Variants in ST6GALNAC3 observed in about 807,000 individuals in gnomAD.
The protein encoded by ST6GALNAC3 is alpha-N-acetylgalactosaminide alpha-2,6-sialyltransferase 3.
Under a neutral mutation model 32.7 loss-of-function variants are expected in ST6GALNAC3, and 25 were observed. The ratio of observed to expected loss-of-function variants is 0.76; its 90% CI spans 0.56 to 1.07. The LOEUF is 1.07. Ranked by LOEUF, ST6GALNAC3 falls within the 50% of genes least tolerant of loss-of-function variation. ST6GALNAC3 has a pLI of 0.00. For synonymous variants in ST6GALNAC3, 129 were observed against 133.1 expected (o/e 0.97, Z 0.21); for missense variants, 355 against 382.4 (o/e 0.93, Z 0.60).
intron 1 of ST6GALNAC3, among the ~76,000 whole-genome samples, chr1:76,287,694 G>A (rs1293756230): frequency 6.6e-6 from 1 of 152,128 alleles, no homozygotes; most frequent in Non-Finnish European, 1.5e-5. Context: ...TGAGAAATGT[G>A]CACACTGATA....
chr1:76,416,639 T>G (rs1424963141), intron 3 of ST6GALNAC3, among the ~76,000 whole-genome samples: 1 of 147,332 alleles, frequency 6.8e-6, no homozygotes, highest in Non-Finnish European at 1.5e-5. Flanking sequence ...TTTTTTTTTT[T>G]TTTTTTGAGA....
At chr1:76,636,270 G>T (rs966422112), downstream of ST6GALNAC3, among the ~76,000 whole-genome samples, 1 of 152,146 alleles carries the variant, frequency 6.6e-6, no homozygotes, top group Non-Finnish European at 1.5e-5. Flanking sequence ...GAAGTAACGT[G>T]ACTTTTAATG....
At position 76,494,468 on chromosome 1, in the gene ST6GALNAC3, T is replaced by TAC. The variant is rs1472281207; in HGVS notation, c.623+82068_623+82069dup. Among the ~76,000 whole-genome samples the TAC allele has an allele frequency of 1.4e-3, 84 of 59,518 alleles. 2 individuals are homozygous for TAC. Among genetic ancestry groups the TAC allele is most frequent in the Middle Eastern group, 0.011 (1 of 94 alleles). The allele number at this position is 59,518 out of a possible 152,430, so 39.0% of individuals were successfully genotyped here. ...ATATATATATATATATATATATATA[T>TAC]ACACACACACACACACACTTTCCCT... On this transcript the variant is annotated intron_variant, in intron 3 of 4. Transcript: ENST00000328299.
chr1:76,582,733 G>C (rs1175794417), intron 3 of ST6GALNAC3, among the ~76,000 whole-genome samples: 2 of 152,034 alleles, frequency 1.3e-5, no homozygotes, highest in Non-Finnish European at 2.9e-5. Flanking sequence ...CCCAGTTTTT[G>C]TTCTCCCTTC....
At chr1:76,271,586 TG>T (rs796892137) in intron 1 of ST6GALNAC3, among the ~76,000 whole-genome samples, 10 of 152,340 alleles carry the variant, frequency 6.6e-5, no homozygotes, top group African/African-American at 2.4e-4. Flanking sequence ...CAATTCTATC[TG>T]GAAAGTCTAG....
At chr1:76,361,481 A>G (rs1187844979) in intron 2 of ST6GALNAC3, among the ~76,000 whole-genome samples, 4 of 152,206 alleles carry the variant, frequency 2.6e-5, no homozygotes, top group Non-Finnish European at 5.9e-5. Context: ...ATCTGTCTAT[A>G]AACATGTGGG....
chr1:76,212,513 C>T (rs956517438), intron 1 of ST6GALNAC3, among the ~76,000 whole-genome samples: 4 of 152,140 alleles, frequency 2.6e-5, no homozygotes, highest in Admixed American at 1.3e-4. Context: ...TTTAGATTCT[C>T]AGTTGTTGGA....
chr1:76,491,039 G>A (rs954480013), intron 3 of ST6GALNAC3, among the ~76,000 whole-genome samples: 2 of 151,890 alleles, frequency 1.3e-5, no homozygotes, highest in East Asian at 1.9e-4. Context: ...TTTATTTTTA[G>A]TAGAGATGGG....
At chr1:76,406,457 A>G (rs1199076554) in intron 2 of ST6GALNAC3, among the ~76,000 whole-genome samples, 1 of 152,070 alleles carries the variant, frequency 6.6e-6, no homozygotes, top group Non-Finnish European at 1.5e-5. Flanking sequence ...GTGAAGGACC[A>G]TTTAAAAGCT....
Position 76,093,498 on chromosome 1 carries a change from G to T in ST6GALNAC3, c.18+18614G>T, listed in dbSNP as rs540687836. Among the ~76,000 whole-genome samples the T allele has an allele frequency of 7.2e-5, 11 of 152,336 alleles. No homozygotes were observed. The South Asian group carries it at 1.7e-3, about 23-fold the overall frequency. On this transcript the variant is annotated intron_variant, in intron 1 of 4. Transcript: ENST00000328299. ...GCATTTTCTGAGAACTTTCTGTGAA[G>T]AGAAGTTCAGAGGCCAGTAAAACAA...
intron 1 of ST6GALNAC3, among the ~76,000 whole-genome samples, chr1:76,243,628 T>C (rs544729566): frequency 1.7e-4 from 26 of 152,352 alleles, no homozygotes; most frequent in African/African-American, 6.3e-4. Context: ...TTAATTTTTG[T>C]ATAAGGCATA....
chr1:76,491,135 G>A (rs1280370387), intron 3 of ST6GALNAC3, among the ~76,000 whole-genome samples: 1 of 152,128 alleles, frequency 6.6e-6, no homozygotes, highest in Non-Finnish European at 1.5e-5. Context: ...TGGGATTACA[G>A]GTGTGAGCCA....
At chr1:76,627,906 A>G (rs190834716) in intron 4 of ST6GALNAC3, among the ~76,000 whole-genome samples, 8 of 152,078 alleles carry the variant, frequency 5.3e-5, no homozygotes, top group Admixed American at 5.2e-4. Context: ...CTTGATGGAT[A>G]GCTATCTACT....
intron 1 of ST6GALNAC3, among the ~76,000 whole-genome samples, chr1:76,298,694 G>A (rs549609185): frequency 9.2e-5 from 14 of 152,090 alleles, no homozygotes; most frequent in South Asian, 4.2e-4. Flanking sequence ...AGTCCCTAAC[G>A]TATTTTGATT....
intron 3 of ST6GALNAC3, among the ~76,000 whole-genome samples, chr1:76,499,312 C>T (rs1005796371): frequency 1.3e-5 from 2 of 152,134 alleles, no homozygotes; most frequent in African/African-American, 4.8e-5. Flanking sequence ...GTAATGTCTG[C>T]AATATCTGGT....
chr1:76,387,139 T>C (rs185610870), intron 2 of ST6GALNAC3, among the ~76,000 whole-genome samples: 4 of 152,274 alleles, frequency 2.6e-5, no homozygotes, highest in Admixed American at 2.6e-4. Context: ...AATTTTTATA[T>C]TGGGGATTCA....
intron 3 of ST6GALNAC3, among the ~76,000 whole-genome samples, chr1:76,539,820 C>G (rs1295328140): frequency 6.6e-6 from 1 of 152,148 alleles, no homozygotes; most frequent in Non-Finnish European, 1.5e-5. Context: ...CATCTCACAT[C>G]TGTCAGAATG....
intron 1 of ST6GALNAC3, among the ~76,000 whole-genome samples, chr1:76,200,755 G>A (rs1654470933): frequency 6.6e-6 from 1 of 152,122 alleles, no homozygotes; most frequent in African/African-American, 2.4e-5. Context: ...AACAAAGGAA[G>A]GGTGTCTATG....
chr1:76,611,730 T>A (rs1647946028), intron 3 of ST6GALNAC3, among the ~76,000 whole-genome samples: 2 of 152,254 alleles, frequency 1.3e-5, no homozygotes, highest in Admixed American at 1.3e-4. Flanking sequence ...TTTGGTGGTC[T>A]GTTGCAATAT....
Sources: gnomAD v4.1 joint callset for allele counts (sites outside exome capture counted in the v4.1 genomes callset) on GRCh38, gnomAD v4.1.1 for gene constraint, MANE v1.5 for transcripts, NCBI Gene and HGNC (gene_info 2026-07-23, HGNC 2026-07-21) for gene names.